Variants in AMPD3 observed in about 807,000 individuals in gnomAD.
AMPD3 encodes the protein AMP deaminase 3.
Under a neutral mutation model 82.3 loss-of-function variants are expected in AMPD3, and 57 were observed. That is an observed-to-expected ratio of 0.69 (90% CI 0.56 to 0.86). The LOEUF (loss-of-function observed/expected upper bound fraction) is 0.86, where lower values mean the gene tolerates loss of function less well. Ranked by LOEUF, AMPD3 falls within the 40% of genes least tolerant of loss-of-function variation. The pLI is 0.00. For missense variants in AMPD3, 870 were observed against 1,003.8 expected, an observed-to-expected ratio of 0.87 and a Z score of 1.80; for synonymous variants, 381 against 394.7, an observed-to-expected ratio of 0.97 and a Z score of 0.41.
At chr11:10,466,761 TAGGGGCCGAC>T (rs1848434005) in intron 2 of AMPD3, among the ~76,000 whole-genome samples, 1 of 152,056 alleles carries the variant, frequency 6.6e-6, no homozygotes, top group Non-Finnish European at 1.5e-5. Flanking sequence ...CACCTCCCAG[TAGGGGCCGAC>T]AGGCATCTCA....
chr11:10,457,230 A>G (rs2133811050), intron 1 of AMPD3, among the ~76,000 whole-genome samples: 1 of 151,930 alleles, frequency 6.6e-6, no homozygotes, highest in East Asian at 1.9e-4. Flanking sequence ...GATCCTCTTC[A>G]GCCTCCCAAA....
intron 2 of AMPD3, among the ~76,000 whole-genome samples, chr11:10,465,829 T>G (rs1280709473): frequency 2.0e-5 from 3 of 151,058 alleles, no homozygotes; most frequent in African/African-American, 7.3e-5. Flanking sequence ...GTTTTTTTTT[T>G]TTTTTTTTTT....
chr11:10,456,880 G>C lies in AMPD3; in HGVS notation c.-6+1432G>C, dbSNP rs1183430061. 2.0e-5 allele frequency among the ~76,000 whole-genome samples: 3 copies of C among 152,184 alleles called. No homozygotes were observed. Among genetic ancestry groups the C allele is most frequent in the African/African-American group, 7.2e-5 (3 of 41,440 alleles). Reference sequence around the variant, plus strand: ...GGACATCCAGAAGGCAGCAGATGTGGGGGCAGCTGCTAAGGCCTGCAGCAC... The same window carrying C: ...GGACATCCAGAAGGCAGCAGATGTGCGGGCAGCTGCTAAGGCCTGCAGCAC... On this transcript the variant is annotated intron_variant, in intron 1 of 14. Coordinates refer to ENST00000396553, the MANE Select transcript of AMPD3 (RefSeq NM_001025389.2). The surrounding 1 kb of genome is among the most constrained non-coding windows in gnomAD (Gnocchi z 4.3).
rs905429117 is a variant in AMPD3, at chr11:10,504,073, A to AT, written c.2017-466dup. ...ACCACTTATCCTATGATCACTTCTC[A>AT]TTTTTTTTTTGATGTTCCATCTCTG... On this transcript the variant is annotated intron_variant, in intron 13 of 14. Coordinates refer to ENST00000396553, the MANE Select transcript of AMPD3 (RefSeq NM_001025389.2). The AT allele has an allele frequency of 8.2e-3, 6,694 of 816,876 alleles. 3 individuals carry two copies. Among genetic ancestry groups the AT allele is most frequent in the East Asian group, 0.022 (182 of 8,098 alleles). 50.6% of individuals were successfully genotyped at this position (816,876 alleles called of 1,614,324 possible). A position where few individuals can be genotyped will look rare whatever the true frequency, so the allele number is the denominator to read the frequency against.
intron 3 of AMPD3, among the ~76,000 whole-genome samples, chr11:10,480,361 T>C (rs1848866149): frequency 6.6e-6 from 1 of 152,180 alleles, no homozygotes; most frequent in Non-Finnish European, 1.5e-5. Context: ...CAGGGACATA[T>C]TTTTGTCTAG....
intron 6 of AMPD3, chr11:10,488,235 T>A: frequency 1.0e-6 from 1 of 985,442 alleles, no homozygotes; most frequent in East Asian, 1.1e-4. Context: ...TTCCATTCTC[T>A]TTTGCTGAAG....
chr11:10,484,709 C>T (rs1190514082), intron 4 of AMPD3, 111 bp from the exon 5 acceptor site: 5 of 1,365,522 alleles, frequency 3.7e-6, no homozygotes, highest in Non-Finnish European at 5.2e-6. Flanking sequence ...GCGGGGCCGG[C>T]GCAGGGTTGG....
chr11:10,497,292 G>GA lies in AMPD3; in HGVS notation c.1557+354_1557+355insA, dbSNP rs1554900740. ...CGGCAGCACCAAGCAGCAGCCTCAG[G>GA]TTTTTTTTTCGGAAATGCAAACACT... On this transcript the variant is annotated intron_variant, in intron 10 of 14. Transcript: ENST00000396553. Among the ~76,000 whole-genome samples the GA allele has an allele frequency of 4.3e-3, 653 of 150,996 alleles. 5 individuals carry two copies. Among genetic ancestry groups the GA allele is most frequent in the African/African-American group, 0.015 (629 of 41,132 alleles).
At chr11:10,486,752 G>A (rs1365873195) in intron 5 of AMPD3, 2 of 985,284 alleles carry the variant, frequency 2.0e-6, no homozygotes, top group Non-Finnish European at 2.4e-6. Context: ...CAATCCTCTG[G>A]GCAACAAACT....
chr11:10,484,258 A>T (rs1298709549), intron 4 of AMPD3: 1 of 985,312 alleles, frequency 1.0e-6, no homozygotes, highest in African/African-American at 1.7e-5. Flanking sequence ...TTGGGGGCAG[A>T]TGGCTTTATC....
chr11:10,495,076 A>G (rs764437975), intron 8 of AMPD3, 46 bp downstream of exon 8: 1 of 1,613,624 alleles, frequency 6.2e-7, no homozygotes, highest in South Asian at 1.1e-5. Context: ...GTGCCTCCCA[A>G]CATCTGCCTT....
chr11:10,453,020 G>C (rs1381496504), upstream of AMPD3, among the ~76,000 whole-genome samples: 1 of 152,110 alleles, frequency 6.6e-6, no homozygotes, highest in African/African-American at 2.4e-5. Context: ...CACAATCTCA[G>C]CTCACTGCAA....
At chr11:10,450,472 A>G, upstream of AMPD3, 1 of 985,558 alleles carries the variant, frequency 1.0e-6, no homozygotes, top group Non-Finnish European at 1.2e-6. Context: ...AGACCCCCAG[A>G]GTCTCGCGCT....
chr11:10,493,700 C>G, intron 7 of AMPD3, 157 bp downstream of exon 7: 1 of 871,322 alleles, frequency 1.1e-6, no homozygotes, highest in Non-Finnish European at 1.8e-6. Context: ...CAGAGAATAA[C>G]AGGTCTGGGG....
intron 2 of AMPD3, chr11:10,473,290 ATAAAGT>A (rs749800509): frequency 6.4e-6 from 5 of 782,080 alleles, no homozygotes; most frequent in Non-Finnish European, 7.8e-6. Context: ...AAAAATAAAA[ATAAAGT>A]TAGGGAGAGA....
chr11:10,456,472 G>T lies in AMPD3; in HGVS notation c.-6+1024G>T. The T allele has an allele frequency of 6.2e-7, 1 of 1,613,696 alleles. No individual in the cohort carries two copies. Among genetic ancestry groups the T allele is most frequent in the Admixed American group, 1.7e-5 (1 of 60,022 alleles). On this transcript the variant is annotated intron_variant, in intron 1 of 14. Transcript: ENST00000396553. This position sits in a 1 kb window ranked among gnomAD's most constrained non-coding sequence, Gnocchi z 4.3. ...ACCAGCTTCCTTCGTATAACGAGGG[G>T]ATTTCAGTGGCACTGGGCTTCCTTT...
chr11:10,484,430 C>G (rs1849003720), intron 4 of AMPD3: 1 of 985,234 alleles, frequency 1.0e-6, no homozygotes, highest in African/African-American at 1.7e-5. Flanking sequence ...GAAGACACCG[C>G]TGCTCTTTTT....
chr11:10,481,977 G>C, intron 3 of AMPD3, 86 bp from the exon 4 acceptor site: 1 of 1,565,298 alleles, frequency 6.4e-7, no homozygotes, highest in Non-Finnish European at 8.8e-7. Flanking sequence ...TACCAGGCAA[G>C]GGCCAATCTT....
chr11:10,500,393 A>G lies in AMPD3; in HGVS notation c.1721+144A>G, dbSNP rs973343969. On this transcript the variant is annotated intron_variant, in intron 11 of 14. Coordinates refer to ENST00000396553, the MANE Select transcript of AMPD3 (RefSeq NM_001025389.2). ...GCATGTCCATGTGCCCACACACCTC[A>G]AAACACACAGCACTTTCCAGCCTGC... 1.3e-5 allele frequency: 16 copies of G among 1,229,362 alleles called. No homozygotes were observed. The African/African-American group carries it at 1.9e-4, about 15-fold the overall frequency. 76.2% of individuals were successfully genotyped at this position (1,229,362 alleles called of 1,614,324 possible). A position where few individuals can be genotyped will look rare whatever the true frequency, so the allele number is the denominator to read the frequency against.
Sources: allele counts gnomAD v4.1 joint callset (sites outside exome capture counted in the v4.1 genomes callset), GRCh38; gene constraint gnomAD v4.1.1; non-coding constraint Gnocchi (gnomAD v3.1); transcripts MANE v1.5; gene names NCBI Gene and HGNC (gene_info 2026-07-23, HGNC 2026-07-21).